Variants in CYP3A7 observed in about 807,000 individuals in gnomAD.
CYP3A7 encodes cytochrome P450 family 3 subfamily A member 7.
CYP3A7 carries 45 observed loss-of-function variants against 55.2 expected under a neutral mutation model. The ratio of observed to expected loss-of-function variants is 0.82; its 90% CI spans 0.64 to 1.05. The LOEUF (loss-of-function observed/expected upper bound fraction) is 1.05. Ranked by LOEUF, CYP3A7 falls within the 50% of genes least tolerant of loss-of-function variation. The pLI, the probability that CYP3A7 is intolerant of heterozygous loss-of-function variation, is 0.00. For missense variants in CYP3A7, 548 were observed against 605.3 expected, an observed-to-expected ratio of 0.91 and a Z score of 0.99; for synonymous variants, 180 against 207.4, an observed-to-expected ratio of 0.87 and a Z score of 1.13.
At chr7:99,734,484 T>C (rs1814752284) in intron 1 of CYP3A7, among the ~76,000 whole-genome samples, 1 of 152,208 alleles carries the variant, frequency 6.6e-6, no homozygotes, top group Non-Finnish European at 1.5e-5. Flanking sequence ...CCTAAACCCT[T>C]CTTTCCACTA....
chr7:99,732,464 C>T (rs1488938482), intron 1 of CYP3A7, among the ~76,000 whole-genome samples: 1 of 151,840 alleles, frequency 6.6e-6, no homozygotes, highest in Non-Finnish European at 1.5e-5. Context: ...TGATCAATTA[C>T]AAAGCAGTCA....
intron 3 of CYP3A7, among the ~76,000 whole-genome samples, chr7:99,722,091 A>G (rs569573532): frequency 6.6e-6 from 1 of 152,204 alleles, no homozygotes; most frequent in Non-Finnish European, 1.5e-5. Context: ...CTGAATTTGC[A>G]CATAGCTTAT....
intron 2 of CYP3A7, 135 bp downstream of exon 2, chr7:99,730,924 T>C: frequency 8.3e-7 from 1 of 1,208,396 alleles, no homozygotes; most frequent in South Asian, 1.5e-5. Context: ...TGCCACGCTC[T>C]GGGTGATGCC....
In CYP3A7 at chr7:99,722,343, A is replaced by G. The variant is rs1272905272; in HGVS notation, c.171T>C (p.Tyr57=). 19 of 1,613,416 alleles carry G rather than the reference A, an allele frequency of 1.2e-5. No homozygotes were observed. The highest frequency in any genetic ancestry group is 1.6e-4 in the Middle Eastern group (1 of 6,082). The stretch of plus-strand genomic sequence containing the variant: ...TATAACATTCCATGTCAAACGTCCA[A>G]TAGCCCTGGGAGGAGAAACAAAATA... ...LGNALSFRKG[Y]WTFDMECYKK... is the part of the protein sequence containing the mutation. Residue 57 remains tyrosine (Y), a synonymous_variant, in exon 3 of 13, where the codon TAT becomes TAC. Transcript: ENST00000336374.
intron 8 of CYP3A7, among the ~76,000 whole-genome samples, chr7:99,714,043 C>T (rs988589593): frequency 2.6e-5 from 4 of 152,172 alleles, no homozygotes; most frequent in African/African-American, 9.6e-5. Context: ...CTTGCAGCCT[C>T]AATTCCCAGA....
chr7:99,731,084 A>C lies in CYP3A7; in HGVS notation c.140T>G (p.Leu47Trp). 1 of 1,613,600 alleles carries C rather than the reference A, an allele frequency of 6.2e-7. No homozygotes were observed. Among genetic ancestry groups the C allele is most frequent in the Non-Finnish European group, 8.5e-7 (1 of 1,179,632 alleles). ...CTTACGGAAGGACAAAGCATTTCCC[A>C]AAAAAGGCAGAGGTGTGGGCCCTGG... ...GIPGPTPLPF[L>W]GNALSFRKGY... Residue 47 changes from leucine (L) to tryptophan (W), a missense_variant, in exon 2 of 13, where the codon TTG (leucine) becomes TGG (tryptophan). Coordinates refer to ENST00000336374, the MANE Select transcript of CYP3A7 (RefSeq NM_000765.5).
At chr7:99,711,773 A>C (rs1351716033) in intron 9 of CYP3A7, among the ~76,000 whole-genome samples, 15 of 88,026 alleles carry the variant, frequency 1.7e-4, no homozygotes, top group Admixed American at 5.2e-4. Context: ...CTGTCTCAAA[A>C]CAAAACAAAA....
In CYP3A7 at chr7:99,707,881, G is replaced by A. The variant is rs750157853; in HGVS notation, c.1347C>T (p.Leu449=). 32 of 1,613,914 alleles carry A rather than the reference G, an allele frequency of 2.0e-5. No individual in the cohort carries two copies. The East Asian group carries it at 2.5e-4, about 12-fold the overall frequency. ...TGACTAGAGCAAGTTTCATGTTCAC[G>A]AGAGCAAACCTCATGCCAATGCAGT... ...PRNCIGMRFA[L]VNMKLALVRV... Residue 449 remains leucine (L), a synonymous_variant, in exon 12 of 13, where the codon CTC becomes CTT. Coordinates refer to ENST00000336374, the MANE Select transcript of CYP3A7 (RefSeq NM_000765.5).
rs188490747 is a variant in CYP3A7, at chr7:99,727,151, A to G, written c.165+3908T>C. 2.2e-3 allele frequency among the ~76,000 whole-genome samples: 337 copies of G among 151,978 alleles called. 5 individuals are homozygous for G. The highest frequency in any genetic ancestry group is 0.013 in the Admixed American group (196 of 15,264). On this transcript the variant is annotated intron_variant, in intron 2 of 12. Coordinates refer to ENST00000336374, the MANE Select transcript of CYP3A7 (RefSeq NM_000765.5). ...TACTAGCTCTTCCTGACTCATCCCA[A>G]CTCTTTTCATTACACACAGCCAAAG...
intron 1 of CYP3A7, among the ~76,000 whole-genome samples, chr7:99,731,680 A>G (rs374227812): frequency 6.6e-6 from 1 of 152,018 alleles, no homozygotes; most frequent in South Asian, 2.1e-4. Context: ...CTTTCCCTTC[A>G]CTCTAAGCTC....
At chr7:99,708,732 T>C (rs1420587636) in intron 11 of CYP3A7, among the ~76,000 whole-genome samples, 1 of 152,166 alleles carries the variant, frequency 6.6e-6, no homozygotes, top group African/African-American at 2.4e-5. Context: ...TTGTGGGACA[T>C]AATAATAGCA....
Position 99,705,517 on chromosome 7 carries a change from TC to T in CYP3A7, c.1494del (p.Thr499ProfsTer2). The T allele has an allele frequency of 6.2e-7, 1 of 1,613,656 alleles. No individual in the cohort carries two copies. On this transcript the variant is annotated frameshift_variant, in exon 13 of 13. Transcript: ENST00000336374. LOFTEE classifies it high-confidence loss of function. ...TAGGGAAATCAGGCTCCACTTACGG[TC>T]TCATCCCTTGACTCAGCCTTTAGAA... is the stretch of plus-strand genomic sequence containing the variant. ...PIVLKAESRD[E>X]TVSGA
At position 99,707,812 on chromosome 7, in the gene CYP3A7, CTG is replaced by C; in HGVS notation, c.1414_1415del (p.Gln472AspfsTer22). 6.2e-7 allele frequency: 1 copy of C among 1,613,636 alleles called. No individual in the cohort carries two copies. Among genetic ancestry groups the C allele is most frequent in the Non-Finnish European group, 8.5e-7 (1 of 1,179,756 alleles). ...NFSFKPCKET[Q>X]IPLKLRFGGL... ...TTATTAATGCAGAAAATTGACTGAC[CTG>C]TGTTTCTTTACAAGGTTTGAAGGAG... On this transcript the variant is annotated frameshift_variant and splice_region_variant, in exon 12 of 13. Transcript: ENST00000336374. LOFTEE classifies it low-confidence loss of function (END_TRUNC).
intron 12 of CYP3A7, 23 bp from the exon 13 acceptor site, chr7:99,705,618 T>C (rs753848334): frequency 6.2e-7 from 1 of 1,611,352 alleles, no homozygotes; most frequent in South Asian, 1.1e-5. Context: ...AACGAGCATA[T>C]TGAGAAGCAT....
intron 12 of CYP3A7, among the ~76,000 whole-genome samples, chr7:99,706,355 G>T (rs1813523212): frequency 6.6e-6 from 1 of 152,158 alleles, no homozygotes; most frequent in Non-Finnish European, 1.5e-5. Context: ...TCCTAGGTGT[G>T]CCAGAGGACC....
At chr7:99,730,874 A>C in intron 2 of CYP3A7, 185 bp downstream of exon 2, 1 of 694,616 alleles carries the variant, frequency 1.4e-6, no homozygotes, top group East Asian at 2.9e-5. Flanking sequence ...GGCAAACTTG[A>C]GGTTCCTGAG....
At chr7:99,732,666 T>A (rs56145886) in intron 1 of CYP3A7, among the ~76,000 whole-genome samples, 1 of 152,090 alleles carries the variant, frequency 6.6e-6, no homozygotes, top group Non-Finnish European at 1.5e-5. Context: ...AGCAGAAAAG[T>A]TGATGGAAGA....
At chr7:99,722,711 G>A (rs1313454527) in intron 2 of CYP3A7, among the ~76,000 whole-genome samples, 2 of 152,150 alleles carry the variant, frequency 1.3e-5, no homozygotes, top group Non-Finnish European at 2.9e-5. Flanking sequence ...TGAGGCTGAG[G>A]GAATGTGAGT....
intron 9 of CYP3A7, among the ~76,000 whole-genome samples, chr7:99,713,125 T>A (rs1813818088): frequency 6.6e-6 from 1 of 152,216 alleles, no homozygotes; most frequent in African/African-American, 2.4e-5. Context: ...AAATTGCAAT[T>A]ATTTTTGCAG....
Sources: allele counts gnomAD v4.1 joint callset (sites outside exome capture counted in the v4.1 genomes callset), GRCh38; gene constraint gnomAD v4.1.1; transcripts MANE v1.5; gene names NCBI Gene and HGNC (gene_info 2026-07-23, HGNC 2026-07-21).